FAM53A: variants seen among roughly 807,000 people sequenced by gnomAD.
FAM53A encodes family with sequence similarity 53 member A, also known as protein FAM53A.
A neutral mutation model predicts 26.6 loss-of-function variants in FAM53A; 28 were observed. The observed-to-expected ratio is 1.05, with a 90% CI of 0.78 to 1.45. The LOEUF (loss-of-function observed/expected upper bound fraction) is 1.45, where lower values mean the gene tolerates loss of function less well. FAM53A is among the 40% of genes most tolerant of loss of function. The pLI, the probability that FAM53A is intolerant of heterozygous loss-of-function variation, is 0.00. For synonymous variants in FAM53A, 290 were observed against 253.1 expected, an observed-to-expected ratio of 1.15 and a Z score of -1.38; for missense variants, 650 against 575.8, an observed-to-expected ratio of 1.13 and a Z score of -1.32.
intron 1 of FAM53A, among the ~76,000 whole-genome samples, chr4:1,623,397 G>A (rs561506400): frequency 3.3e-5 from 5 of 150,662 alleles, no homozygotes; most frequent in South Asian, 2.1e-4. Context: ...TTGCGTTTCC[G>A]GCCCCCGAGG....
Position 1,622,693 on chromosome 4 carries a change from G to A in FAM53A, c.432-4582C>T, listed in dbSNP as rs187418381. 3.8e-3 allele frequency among the ~76,000 whole-genome samples: 582 copies of A among 152,332 alleles called. 5 individuals carry two copies. The highest frequency in any genetic ancestry group is 0.013 in the African/African-American group (551 of 41,568). On this transcript the variant is annotated intron_variant, in intron 1 of 1. Coordinates refer to the FAM53A transcript ENST00000489029. ...GCTGGCTCGCTCGGGGAGGGAGGTC[G>A]GGAACAGCGGCTGTTTGGCTGGGCC...
At chr4:1,609,366 C>T in the FAM53A span, among the ~76,000 whole-genome samples, 1 of 152,112 alleles carries the variant, frequency 6.6e-6, no homozygotes, top group Non-Finnish European at 1.5e-5. Context: ...CTGCACCTGC[C>T]CCGGGGCCTC....
At chr4:1,657,524 AT>A in intron 2 of FAM53A, 56 bp from the exon 3 acceptor site, 1 of 1,475,908 alleles carries the variant, frequency 6.8e-7, no homozygotes, top group Non-Finnish European at 9.4e-7. Flanking sequence ...TTCGGCAATA[AT>A]ATCCCCCATT....
the FAM53A span, among the ~76,000 whole-genome samples, chr4:1,612,434 C>T: frequency 3.6e-3 from 547 of 152,294 alleles, 3 homozygotes; most frequent in African/African-American, 0.013. Flanking sequence ...TCAGCCAGCA[C>T]GCTCGAGGGG....
intron 1 of FAM53A, among the ~76,000 whole-genome samples, chr4:1,627,454 A>C (rs1109832): frequency 0.41 from 61,952 of 151,974 alleles, 13,657 homozygotes; most frequent in African/African-American, 0.56. Flanking sequence ...TACGCTGGAG[A>C]CTCAGATGGA....
the FAM53A span, among the ~76,000 whole-genome samples, chr4:1,584,151 A>ATCC: frequency 6.6e-6 from 1 of 152,204 alleles, no homozygotes; most frequent in African/African-American, 2.4e-5. Flanking sequence ...GGCCTATCGA[A>ATCC]TTCTTTGTCA....
At chr4:1,628,772 GA>G (rs1315465641) in intron 1 of FAM53A, among the ~76,000 whole-genome samples, 1 of 45,156 alleles carries the variant, frequency 2.2e-5, no homozygotes, top group South Asian at 1.3e-3. Flanking sequence ...TGGCATGGGG[GA>G]GTGGCATGGG....
At chr4:1,632,163 CAAAAAAAAA>C (rs33944808) in intron 1 of FAM53A, among the ~76,000 whole-genome samples, 3 of 107,486 alleles carry the variant, frequency 2.8e-5, no homozygotes, top group Non-Finnish European at 5.5e-5. Flanking sequence ...GATTCCATCT[CAAAAAAAAA>C]AAAAAAAAAG....
rs934317129 is a variant in FAM53A at position 1,644,068 on chromosome 4, C to G, written c.883-2461G>C. On this transcript the variant is annotated intron_variant, in intron 4 of 4. Transcript: ENST00000308132. Reference sequence around the variant, plus strand: ...GAGGTCCGGGTCTCACCAGCTCGGTCTGGTGTCACCCGTGACCTTGCAGAC... The same window carrying G: ...GAGGTCCGGGTCTCACCAGCTCGGTGTGGTGTCACCCGTGACCTTGCAGAC... 3 of 1,350,758 alleles carry G rather than the reference C, an allele frequency of 2.2e-6. No homozygotes were observed. The African/African-American group carries it at 4.4e-5, about 20-fold the overall frequency. The allele number at this position is 1,350,758 out of a possible 1,614,324, so 83.7% of individuals were successfully genotyped here. A position where few individuals can be genotyped will look rare whatever the true frequency, so the allele number is the denominator to read the frequency against.
the FAM53A span, among the ~76,000 whole-genome samples, chr4:1,610,228 C>T: frequency 1.3e-5 from 2 of 152,052 alleles, no homozygotes; most frequent in African/African-American, 4.8e-5. Context: ...CTCCCTACAC[C>T]CCACTCAACG....
chr4:1,587,077 A>T, the FAM53A span, among the ~76,000 whole-genome samples: 2 of 152,150 alleles, frequency 1.3e-5, no homozygotes, highest in African/African-American at 2.4e-5. Context: ...CCAATTTTTC[A>T]ATCAGGTTAT....
chr4:1,613,842 G>A (rs528766343), downstream of FAM53A, among the ~76,000 whole-genome samples: 13 of 152,276 alleles, frequency 8.5e-5, no homozygotes, highest in South Asian at 2.7e-3. Context: ...CAAAAACTAG[G>A]AAAGAAAGAT....
chr4:1,641,723 ACAAAGCAGGGGCCT>A, intron 4 of FAM53A, 116 bp from the exon 5 acceptor site: 1 of 1,036,482 alleles, frequency 9.6e-7, no homozygotes, highest in East Asian at 2.4e-5. Context: ...CCAAGACCAC[ACAAAGCAGGGGCCT>A]TGGTCCCCTG....
At chr4:1,677,070 A>G (rs1715094413) in intron 1 of FAM53A, among the ~76,000 whole-genome samples, 1 of 152,104 alleles carries the variant, frequency 6.6e-6, no homozygotes, top group South Asian at 2.1e-4. Flanking sequence ...GCTGTGCTCT[A>G]GCCCACTCGG....
At chr4:1,578,803 GA>G in the FAM53A span, among the ~76,000 whole-genome samples, 2 of 82,852 alleles carry the variant, frequency 2.4e-5, no homozygotes, top group Admixed American at 1.0e-4. Flanking sequence ...GAGGAGAGAA[GA>G]GGGGGAGGGG....
chr4:1,655,157 G>A lies in FAM53A; in HGVS notation c.703C>T (p.Pro235Ser). ...GGGCTGCTGCTGGCCCAGGGCAGGG[G>A]AGTGCCCGCACCCGCGAGTCGCTCC... ...SQERLAGAGT[P>S]LPWASSSPTS... The change falls in exon 4 of 5, where the codon CCC becomes TCC. Residue 235 changes from proline to serine, a missense_variant. Physicochemically the swap from Pro to Ser is moderately conservative, Grantham distance 74 (BLOSUM62 -1). Coordinates refer to ENST00000308132, the MANE Select transcript of FAM53A (RefSeq NM_001174070.3). The A allele has an allele frequency of 6.3e-7, 1 of 1,580,416 alleles. No homozygotes were observed. Among genetic ancestry groups the A allele is most frequent in the Non-Finnish European group, 8.6e-7 (1 of 1,167,420 alleles).
At chr4:1,618,440 T>C (rs1341042171) in intron 1 of FAM53A, among the ~76,000 whole-genome samples, 1 of 152,100 alleles carries the variant, frequency 6.6e-6, no homozygotes, top group Non-Finnish European at 1.5e-5. Flanking sequence ...AGTGGGCTGG[T>C]ACCACAGCCG....
the FAM53A span, among the ~76,000 whole-genome samples, chr4:1,592,147 G>A: frequency 2.0e-5 from 3 of 152,116 alleles, no homozygotes; most frequent in African/African-American, 7.2e-5. Flanking sequence ...GCAGCTCTCT[G>A]AGGAAGATAA....
downstream of FAM53A, among the ~76,000 whole-genome samples, chr4:1,614,456 T>G (rs1231618012): frequency 1.1e-5 from 1 of 89,962 alleles, no homozygotes. Flanking sequence ...ATGAGGGGCA[T>G]GCAGAGACGT....
Sources: allele counts gnomAD v4.1 joint callset (sites outside exome capture counted in the v4.1 genomes callset), GRCh38; gene constraint gnomAD v4.1.1; transcripts MANE v1.5; gene names NCBI Gene and HGNC (gene_info 2026-07-23, HGNC 2026-07-21).